The following PALM variants were observed in gnomAD, a reference collection of about 807,000 sequenced individuals.
The protein encoded by PALM is paralemmin-1.
PALM carries 18 observed loss-of-function variants against 30.7 expected under a neutral mutation model. That is an observed-to-expected ratio of 0.59 (90% CI 0.41 to 0.87). The LOEUF (loss-of-function observed/expected upper bound fraction) is 0.87. Ranked by LOEUF, PALM falls within the 40% of genes least tolerant of loss-of-function variation. The pLI, the probability that PALM is intolerant of heterozygous loss-of-function variation, is 0.00. For synonymous variants in PALM, 286 were observed against 242.8 expected (o/e 1.18, Z -1.66); for missense variants, 529 against 555.4 (o/e 0.95, Z 0.48).
chr19:726,212 A>G, intron 2 of PALM, 23 bp downstream of exon 2: 4 of 1,609,832 alleles, frequency 2.5e-6, no homozygotes, highest in Non-Finnish European at 3.4e-6. Context: ...CGCCCCGCAG[A>G]CGGTGTGGTC....
chr19:720,480 AG>A (rs1483189784), intron 1 of PALM, among the ~76,000 whole-genome samples: 1 of 59,308 alleles, frequency 1.7e-5, no homozygotes, highest in Non-Finnish European at 3.3e-5. Context: ...GGGAAAGGCG[AG>A]GGGGCGCCCG....
chr19:740,218 C>T (rs908935917), intron 7 of PALM, 134 bp from the exon 8 acceptor site: 68 of 835,338 alleles, frequency 8.1e-5, no homozygotes, highest in Non-Finnish European at 1.1e-4. Flanking sequence ...GGTGCCCAGG[C>T]ATCCCCGGCT....
At chr19:736,674 G>A (rs1472330598) in intron 7 of PALM, among the ~76,000 whole-genome samples, 2 of 152,204 alleles carry the variant, frequency 1.3e-5, no homozygotes, top group African/African-American at 2.4e-5. Flanking sequence ...CCTGGGGCCC[G>A]GCACAGGACA....
chr19:738,723 C>T (rs1375907296), intron 7 of PALM, among the ~76,000 whole-genome samples: 1 of 152,066 alleles, frequency 6.6e-6, no homozygotes, highest in Non-Finnish European at 1.5e-5. Flanking sequence ...TGGGCGAGGT[C>T]CCCGGCGCAG....
At position 747,008 on chromosome 19, in the gene PALM, C is replaced by T. The variant is rs78038121; in HGVS notation, c.*194C>T. 3.9e-5 allele frequency: 23 copies of T among 587,866 alleles called. No individual in the cohort carries two copies. The highest frequency in any genetic ancestry group is 6.1e-5 in the Non-Finnish European group (20 of 330,402). 36.4% of individuals were successfully genotyped at this position (587,866 alleles called of 1,614,324 possible). ...CACCCGTCACCACGCCCCAACACTC[C>T]CCCCGAACCAGAGCCGTGCACTTGT... On this transcript the variant is annotated 3_prime_UTR_variant, in exon 9 of 9. Coordinates refer to ENST00000338448, the MANE Select transcript of PALM (RefSeq NM_002579.3).
chr19:746,211 C>T lies in PALM; in HGVS notation c.635-74C>T. On this transcript the variant is annotated intron_variant, in intron 8 of 8. Transcript: ENST00000338448. The surrounding 1 kb of genome is among the most constrained non-coding windows in gnomAD (Gnocchi z 7.1). ...TACAAGCCTTGCCAAGGTTTCCCTCCTGCCTGAGCCAGGTCACTCTCTCTG... is the reference window on the plus strand; with the variant it reads ...TACAAGCCTTGCCAAGGTTTCCCTCTTGCCTGAGCCAGGTCACTCTCTCTG... The T allele has an allele frequency of 1.6e-6, 2 of 1,235,180 alleles. No individual in the cohort carries two copies. Among genetic ancestry groups the T allele is most frequent in the South Asian group, 2.6e-5 (2 of 77,956 alleles). 76.5% of individuals were successfully genotyped at this position (1,235,180 alleles called of 1,614,324 possible). A position where few individuals can be genotyped will look rare whatever the true frequency, so the allele number is the denominator to read the frequency against.
chr19:722,782 T>C (rs1290153259), intron 1 of PALM: 2 of 152,226 alleles, frequency 1.3e-5, no homozygotes, highest in African/African-American at 4.8e-5. Flanking sequence ...GCCAGAAAGC[T>C]GGATCAAGCC....
chr19:727,743 C>T, intron 4 of PALM, 49 bp downstream of exon 4: 1 of 1,484,014 alleles, frequency 6.7e-7, no homozygotes, highest in Non-Finnish European at 9.0e-7. Context: ...GCCTCGGGGG[C>T]CGCTGGCTCC....
At chr19:713,612 G>T (rs572022524) in intron 1 of PALM, among the ~76,000 whole-genome samples, 3 of 152,116 alleles carry the variant, frequency 2.0e-5, no homozygotes, top group African/African-American at 7.2e-5. Context: ...ACACAGTCTC[G>T]CTGTCACCCA....
chr19:720,445 A>AG (rs2032433448), intron 1 of PALM, among the ~76,000 whole-genome samples: 1 of 90,280 alleles, frequency 1.1e-5, no homozygotes, highest in Non-Finnish European at 2.2e-5. Flanking sequence ...GGGAGGGGCA[A>AG]GGGGGGCGCA....
At chr19:745,207 C>T (rs974213495) in intron 8 of PALM, among the ~76,000 whole-genome samples, 2 of 152,150 alleles carry the variant, frequency 1.3e-5, no homozygotes, top group African/African-American at 4.8e-5. Context: ...CCTGTAACCT[C>T]CAGTTCCCCA....
Position 734,091 on chromosome 19 carries a change from C to G in PALM, c.421-82C>G, listed in dbSNP as rs563896257. 4 of 1,363,970 alleles carry G rather than the reference C, an allele frequency of 2.9e-6. No homozygotes were observed. In the East Asian group the frequency reaches 9.2e-5, roughly 31 times the overall value. The allele number at this position is 1,363,970 out of a possible 1,614,324, so 84.5% of individuals were successfully genotyped here. A position where few individuals can be genotyped will look rare whatever the true frequency, so the allele number is the denominator to read the frequency against. The stretch of plus-strand genomic sequence containing the variant: ...GACGTCACCCACTGTGCCATGCCCT[C>G]CCCAGGCTCCTGACCCCATGGCTCC... On this transcript the variant is annotated intron_variant, in intron 5 of 8. Coordinates refer to ENST00000338448, the MANE Select transcript of PALM (RefSeq NM_002579.3).
chr19:746,651 C>T lies in PALM; in HGVS notation c.1001C>T (p.Ala334Val), dbSNP rs1449510749. 3.7e-6 allele frequency: 6 copies of T among 1,612,322 alleles called. No homozygotes were observed. The highest frequency in any genetic ancestry group is 1.7e-5 in the Admixed American group (1 of 59,942). Residue 334 changes from alanine (A) to valine (V), a missense_variant, in exon 9 of 9, where the codon GCG becomes GTG. Ala to Val is a moderately conservative substitution (Grantham distance 64, BLOSUM62 0). Transcript: ENST00000338448. The surrounding 1 kb of genome is among the most constrained non-coding windows in gnomAD (Gnocchi z 7.1). The part of the protein sequence containing the change: ...ITAELVVIED[A>V]AEPKEPAPPN... ...GCGGAGCTGGTGGTCATCGAAGACG[C>T]GGCTGAGCCCAAGGAGCCTGCACCA...
At chr19:738,686 G>A (rs2033096865) in intron 7 of PALM, among the ~76,000 whole-genome samples, 1 of 152,164 alleles carries the variant, frequency 6.6e-6, no homozygotes, top group Non-Finnish European at 1.5e-5. Flanking sequence ...GTGGGGATGG[G>A]TGTGCGGGAG....
At chr19:720,272 G>T (rs1413141446) in intron 1 of PALM, among the ~76,000 whole-genome samples, 1 of 151,850 alleles carries the variant, frequency 6.6e-6, no homozygotes, top group Admixed American at 6.5e-5. Context: ...ACCGCCTCCC[G>T]CGGGCCCCTC....
chr19:725,373 A>G (rs111805232), intron 1 of PALM, among the ~76,000 whole-genome samples: 72 of 152,042 alleles, frequency 4.7e-4, no homozygotes, highest in Non-Finnish European at 7.2e-4. Flanking sequence ...AGCCTGGCCA[A>G]CATGGTGAAA....
chr19:728,637 A>G (rs1302477104), intron 4 of PALM, among the ~76,000 whole-genome samples: 2 of 151,928 alleles, frequency 1.3e-5, no homozygotes, highest in Non-Finnish European at 1.5e-5. Flanking sequence ...GTGAAACCCC[A>G]TCTTTACTAA....
At chr19:732,007 C>G (rs1187374231) in intron 5 of PALM, among the ~76,000 whole-genome samples, 1 of 152,020 alleles carries the variant, frequency 6.6e-6, no homozygotes, top group East Asian at 1.9e-4. Flanking sequence ...GGGTCTCACT[C>G]TGTCACCCAG....
intron 2 of PALM, 150 bp downstream of exon 2, chr19:726,339 G>A (rs1476175365): frequency 1.6e-5 from 10 of 640,488 alleles, no homozygotes; most frequent in Admixed American, 5.3e-5. Context: ...CTGCTGACCC[G>A]CAGAGAATGG....
Sources: allele counts gnomAD v4.1 joint callset (sites outside exome capture counted in the v4.1 genomes callset), GRCh38; gene constraint gnomAD v4.1.1; non-coding constraint Gnocchi (gnomAD v3.1); transcripts MANE v1.5; gene names NCBI Gene and HGNC (gene_info 2026-07-23, HGNC 2026-07-21).